Variants in PLXDC2 observed in about 807,000 individuals in gnomAD.
The protein encoded by PLXDC2 is plexin domain containing 2.
A neutral mutation model predicts 68.9 loss-of-function variants in PLXDC2; 40 were observed. The observed-to-expected ratio is 0.58, with a 90% CI of 0.45 to 0.76. The LOEUF is 0.76. Among genes scored for constraint, PLXDC2 ranks in the 30% least tolerant of loss-of-function variants. The pLI, the probability that PLXDC2 is intolerant of heterozygous loss-of-function variation, is 0.00. For missense variants in PLXDC2, 644 were observed against 661.9 expected (o/e 0.97, Z 0.30); for synonymous variants, 243 against 234.2 (o/e 1.04, Z -0.34).
intron 7 of PLXDC2, among the ~76,000 whole-genome samples, chr10:20,168,445 T>G (rs563642004): frequency 2.5e-4 from 38 of 152,226 alleles, no homozygotes; most frequent in Admixed American, 4.6e-4. Context: ...CTGAGTGCCC[T>G]TCAGAGTGGA....
intron 1 of PLXDC2, among the ~76,000 whole-genome samples, chr10:19,828,409 T>A (rs977676091): frequency 1.3e-5 from 2 of 152,202 alleles, no homozygotes; most frequent in Admixed American, 6.5e-5. Flanking sequence ...GGGTACAATT[T>A]TGTTGTTTGA....
At chr10:19,924,753 T>G (rs1833510898) in intron 1 of PLXDC2, among the ~76,000 whole-genome samples, 1 of 152,226 alleles carries the variant, frequency 6.6e-6, no homozygotes. Flanking sequence ...TAACAGGTTT[T>G]GGTAAAGACA....
At chr10:19,876,790 T>G (rs1329131148) in intron 1 of PLXDC2, among the ~76,000 whole-genome samples, 1 of 152,158 alleles carries the variant, frequency 6.6e-6, no homozygotes, top group Non-Finnish European at 1.5e-5. Context: ...GCATAGCAGA[T>G]AAAAGCATTT....
intron 1 of PLXDC2, among the ~76,000 whole-genome samples, chr10:19,928,098 T>C (rs1384589871): frequency 2.0e-5 from 3 of 152,220 alleles, no homozygotes; most frequent in Non-Finnish European, 2.9e-5. Context: ...TCCAGTTCCA[T>C]CCAACTTGCT....
intron 1 of PLXDC2, among the ~76,000 whole-genome samples, chr10:19,886,650 A>T (rs1224764766): frequency 2.0e-5 from 3 of 152,224 alleles, no homozygotes; most frequent in Non-Finnish European, 4.4e-5. Context: ...TATCTATGAC[A>T]AACCCACAGC....
At chr10:20,192,544 A>G (rs1162338351) in intron 9 of PLXDC2, among the ~76,000 whole-genome samples, 3 of 152,094 alleles carry the variant, frequency 2.0e-5, no homozygotes, top group Non-Finnish European at 4.4e-5. Context: ...TTAAAATGGC[A>G]TGTAGCAAAA....
intron 5 of PLXDC2, among the ~76,000 whole-genome samples, chr10:20,146,488 T>TTTTCTTCCTTCCTTCCTTCC (rs1834081410): frequency 1.2e-5 from 1 of 81,338 alleles, no homozygotes; most frequent in African/African-American, 4.4e-5. Flanking sequence ...TTCTTTTCTT[T>TTTTCTTCCTTCCTTCCTTCC]TTCCTTCCTT....
intron 12 of PLXDC2, among the ~76,000 whole-genome samples, chr10:20,222,127 T>TGA (rs1835220519): frequency 6.6e-6 from 1 of 152,102 alleles, no homozygotes; most frequent in Non-Finnish European, 1.5e-5. Flanking sequence ...GGAAAAAGGG[T>TGA]AACATTTTTC....
intron 4 of PLXDC2, among the ~76,000 whole-genome samples, chr10:20,110,729 C>T (rs1390789959): frequency 6.6e-6 from 1 of 152,198 alleles, no homozygotes; most frequent in Non-Finnish European, 1.5e-5. Flanking sequence ...GAATCAGCAT[C>T]TCCTCTCCTA....
chr10:19,987,868 G>A (rs559018794), intron 1 of PLXDC2, among the ~76,000 whole-genome samples: 2 of 152,128 alleles, frequency 1.3e-5, no homozygotes, highest in Admixed American at 6.5e-5. Context: ...GCGCCCAGCC[G>A]ATGTTATTTG....
At chr10:19,822,671 A>T (rs1412543011) in intron 1 of PLXDC2, among the ~76,000 whole-genome samples, 3 of 152,116 alleles carry the variant, frequency 2.0e-5, no homozygotes, top group Non-Finnish European at 4.4e-5. Flanking sequence ...CCATCTTAAT[A>T]TTAGTAGGTG....
intron 4 of PLXDC2, among the ~76,000 whole-genome samples, chr10:20,142,359 G>A (rs1001191669): frequency 2.6e-5 from 4 of 152,154 alleles, no homozygotes; most frequent in Admixed American, 2.0e-4. Flanking sequence ...ATTTGCATGT[G>A]TAATCTCAAT....
At chr10:20,267,167 G>A (rs1255119935) in intron 13 of PLXDC2, among the ~76,000 whole-genome samples, 1 of 152,094 alleles carries the variant, frequency 6.6e-6, no homozygotes, top group Admixed American at 6.6e-5. Context: ...ATCATTCACA[G>A]TATGATTTAA....
At chr10:19,883,079 C>G (rs1207059891) in intron 1 of PLXDC2, among the ~76,000 whole-genome samples, 1 of 151,792 alleles carries the variant, frequency 6.6e-6, no homozygotes, top group Non-Finnish European at 1.5e-5. Flanking sequence ...GCCTCAGCCT[C>G]CCGAGTAGCT....
chr10:19,821,911 T>A (rs1300734067), intron 1 of PLXDC2, among the ~76,000 whole-genome samples: 3 of 152,182 alleles, frequency 2.0e-5, no homozygotes, highest in Non-Finnish European at 4.4e-5. Context: ...CTTTTATACA[T>A]TCCTTTAAAA....
chr10:19,986,613 G>C (rs954274064), intron 1 of PLXDC2, among the ~76,000 whole-genome samples: 1 of 151,836 alleles, frequency 6.6e-6, no homozygotes, highest in Non-Finnish European at 1.5e-5. Flanking sequence ...ACCCAGCCAA[G>C]TAATTCATAA....
chr10:20,008,984 T>G (rs1423550815), intron 2 of PLXDC2, among the ~76,000 whole-genome samples: 1 of 152,176 alleles, frequency 6.6e-6, no homozygotes, highest in African/African-American at 2.4e-5. Context: ...AGCCTTGGGT[T>G]TGTCTTTATT....
intron 2 of PLXDC2, among the ~76,000 whole-genome samples, chr10:20,042,666 A>G (rs944661230): frequency 6.6e-5 from 10 of 152,188 alleles, no homozygotes; most frequent in African/African-American, 1.9e-4. Context: ...GCATGAGGCA[A>G]TGTGAGGCAT....
intron 1 of PLXDC2, among the ~76,000 whole-genome samples, chr10:19,919,828 T>C (rs909093994): frequency 6.6e-6 from 1 of 152,212 alleles, no homozygotes; most frequent in Non-Finnish European, 1.5e-5. Flanking sequence ...TAAAAGTTAC[T>C]ATGTTTAGTC....
Sources: allele counts gnomAD v4.1 joint callset (sites outside exome capture counted in the v4.1 genomes callset), GRCh38; gene constraint gnomAD v4.1.1; transcripts MANE v1.5; gene names NCBI Gene and HGNC (gene_info 2026-07-23, HGNC 2026-07-21).